The following SYT7 variants were observed in gnomAD, a reference collection of about 807,000 sequenced individuals.
The protein encoded by SYT7 is synaptotagmin-7.
In SYT7, 29 loss-of-function variants were observed where a neutral mutation model predicts 75.1. That is an observed-to-expected ratio of 0.39 (90% CI 0.29 to 0.53). SYT7 has a LOEUF of 0.53. Among genes scored for constraint, SYT7 ranks in the 20% least tolerant of loss-of-function variants. The pLI is 0.77. For synonymous variants in SYT7, 376 were observed against 401.7 expected (o/e 0.94, Z 0.76); for missense variants, 693 against 953.2 (o/e 0.73, Z 3.59).
rs1372313184 is a variant in SYT7, at chr11:61,524,618, G to A, written c.1472-86C>T. 2.9e-6 allele frequency: 4 copies of A among 1,397,780 alleles called. No homozygotes were observed. The highest frequency in any genetic ancestry group is 3.9e-6 in the Non-Finnish European group (4 of 1,036,512). The allele number at this position is 1,397,780 out of a possible 1,614,324, so 86.6% of individuals were successfully genotyped here. A position where few individuals can be genotyped will look rare whatever the true frequency, so the allele number is the denominator to read the frequency against. On this transcript the variant is annotated intron_variant, in intron 9 of 12. Coordinates refer to ENST00000539008, the MANE Select transcript of SYT7 (RefSeq NM_001365809.2). The surrounding 1 kb of genome is among the most constrained non-coding windows in gnomAD (Gnocchi z 4.1). ...GGCAAGGAAGGCCCTGGGAAGAGGA[G>A]GCAGGCCCTGTGCCCTCCCGCTGCC...
intron 12 of SYT7, among the ~76,000 whole-genome samples, chr11:61,520,389 G>C (rs947731868): frequency 6.6e-6 from 1 of 152,092 alleles, no homozygotes; most frequent in Non-Finnish European, 1.5e-5. Flanking sequence ...AGCTGGGCAT[G>C]GTGGTACGTG....
intron 2 of SYT7, among the ~76,000 whole-genome samples, chr11:61,555,723 T>C (rs1227777676): frequency 6.6e-6 from 1 of 151,862 alleles, no homozygotes; most frequent in Non-Finnish European, 1.5e-5. Context: ...GGGGGCTCTA[T>C]TCTCAGTCTG....
chr11:61,518,540 G>A lies in SYT7; in HGVS notation c.*87C>T. 3 of 963,712 alleles carry A rather than the reference G, an allele frequency of 3.1e-6. No individual in the cohort carries two copies. Among genetic ancestry groups the A allele is most frequent in the East Asian group, 2.9e-5 (1 of 34,002 alleles). The allele number at this position is 963,712 out of a possible 1,614,324, so 59.7% of individuals were successfully genotyped here. ...CAGGGTCCTCCCCTCCCTATGGCAG[G>A]GGGCTCAGGCCGGGCGTTGTGCATA... On this transcript the variant is annotated 3_prime_UTR_variant, in exon 13 of 13. Coordinates refer to ENST00000539008, the MANE Select transcript of SYT7 (RefSeq NM_001365809.2).
chr11:61,538,084 C>A (rs957666204), intron 7 of SYT7, 60 bp downstream of exon 7: 2 of 1,526,254 alleles, frequency 1.3e-6, no homozygotes, highest in East Asian at 2.5e-5. Context: ...TCGAGGCAGG[C>A]GGCCTCTCCG....
intron 1 of SYT7, among the ~76,000 whole-genome samples, chr11:61,569,119 G>A (rs2135416485): frequency 6.6e-6 from 1 of 152,204 alleles, no homozygotes; most frequent in African/African-American, 2.4e-5. Context: ...TACTCCCCGG[G>A]GTCCATTGGT....
chr11:61,556,981 C>A (rs1238085994), intron 1 of SYT7, among the ~76,000 whole-genome samples: 1 of 149,244 alleles, frequency 6.7e-6, no homozygotes, highest in South Asian at 2.1e-4. Context: ...AACCTTGGCA[C>A]CCTTGGCAAA....
At chr11:61,550,690 T>C (rs2063322813) in intron 3 of SYT7, among the ~76,000 whole-genome samples, 1 of 151,290 alleles carries the variant, frequency 6.6e-6, no homozygotes. Flanking sequence ...GTGGCCTGAG[T>C]CCCCCGCCAG....
chr11:61,535,626 G>A (rs893115282), intron 7 of SYT7, among the ~76,000 whole-genome samples: 2 of 152,150 alleles, frequency 1.3e-5, no homozygotes, highest in African/African-American at 4.8e-5. Context: ...ACCAAGAATC[G>A]TGGGGACAGA....
At position 61,546,162 on chromosome 11, in the gene SYT7, CGGCA is replaced by C; in HGVS notation, c.437_440del (p.Val146GlyfsTer8). 6.6e-7 allele frequency: 1 copy of C among 1,525,018 alleles called. No individual in the cohort carries two copies. The allele number at this position is 1,525,018 out of a possible 1,614,324, so 94.5% of individuals were successfully genotyped here. A position where few individuals can be genotyped will look rare whatever the true frequency, so the allele number is the denominator to read the frequency against. ...TTCTCAAGGCGTCCTCTCCGGGTGG[CGGCA>C]CCGGTGCCGGCTTCTCCCCCAGCCG... On this transcript the variant is annotated frameshift_variant, in exon 5 of 13. Coordinates refer to ENST00000539008, the MANE Select transcript of SYT7 (RefSeq NM_001365809.2). LOFTEE classifies it high-confidence loss of function. The surrounding 1 kb of genome is among the most constrained non-coding windows in gnomAD (Gnocchi z 7.6).
rs58071370 is a variant in SYT7, at chr11:61,538,346, GGAGAGA to G, written c.942-86_942-81del. ...GGGGGCAGGGGGGAAGGAGAGAGAG[GGAGAGA>G]GAGAGAGAGAGAGAGAGAGAGAGAG... On this transcript the variant is annotated intron_variant, in intron 6 of 12. Transcript: ENST00000539008. 1,288 of 203,120 alleles carry G rather than the reference GGAGAGA, an allele frequency of 6.3e-3. 5 individuals carry two copies. Among genetic ancestry groups the G allele is most frequent in the African/African-American group, 0.032 (786 of 24,930 alleles). The allele number at this position is 203,120 out of a possible 1,614,324, so 12.6% of individuals were successfully genotyped here. A position where few individuals can be genotyped will look rare whatever the true frequency, so the allele number is the denominator to read the frequency against.
rs2063350887 is a variant in SYT7, at chr11:61,551,542, G to A, written c.136-79C>T. ...CCTCCCCAGAACAGGGACCCGGAGGGGAAGGAGATAGACTGGAGTCGGGCC... is the reference window on the plus strand; with the variant it reads ...CCTCCCCAGAACAGGGACCCGGAGGAGAAGGAGATAGACTGGAGTCGGGCC... On this transcript the variant is annotated intron_variant, in intron 2 of 12. Transcript: ENST00000539008. The surrounding 1 kb of genome is among the most constrained non-coding windows in gnomAD (Gnocchi z 5.3). The A allele has an allele frequency of 1.4e-6, 2 of 1,450,680 alleles. No individual in the cohort carries two copies. Among genetic ancestry groups the A allele is most frequent in the Non-Finnish European group, 1.9e-6 (2 of 1,041,794 alleles). 89.9% of individuals were successfully genotyped at this position (1,450,680 alleles called of 1,614,324 possible).
chr11:61,537,172 A>G (rs1739257517), intron 7 of SYT7, among the ~76,000 whole-genome samples: 2 of 152,192 alleles, frequency 1.3e-5, no homozygotes, highest in Admixed American at 1.3e-4. Flanking sequence ...AGCAGACCCA[A>G]TCAAGGTGAC....
In SYT7 at chr11:61,580,940, G is replaced by T. The variant is rs1272621269; in HGVS notation, c.-120C>A. On this transcript the variant is annotated 5_prime_UTR_variant, in exon 1 of 13. Coordinates refer to ENST00000539008, the MANE Select transcript of SYT7 (RefSeq NM_001365809.2). The surrounding 1 kb of genome is among the most constrained non-coding windows in gnomAD (Gnocchi z 6.1). The stretch of plus-strand genomic sequence containing the variant: ...CCCGGGGGCGGGTCCGAGGGCGGGG[G>T]CCGAGCGGGCTGCACCTAGCCGCGG... 1 of 1,009,512 alleles carries T rather than the reference G, an allele frequency of 9.9e-7. No homozygotes were observed. The highest frequency in any genetic ancestry group is 9.8e-5 in the East Asian group (1 of 10,212). The allele number at this position is 1,009,512 out of a possible 1,614,324, so 62.5% of individuals were successfully genotyped here. A position where few individuals can be genotyped will look rare whatever the true frequency, so the allele number is the denominator to read the frequency against.
At chr11:61,560,908 G>A (rs1347409554) in intron 1 of SYT7, among the ~76,000 whole-genome samples, 3 of 152,086 alleles carry the variant, frequency 2.0e-5, no homozygotes, top group African/African-American at 4.8e-5. Context: ...TGTACCTCTC[G>A]CAGAGCCGAA....
upstream of SYT7, among the ~76,000 whole-genome samples, chr11:61,583,239 G>A (rs1565218432): frequency 6.6e-6 from 1 of 151,374 alleles, no homozygotes; most frequent in African/African-American, 2.4e-5. Flanking sequence ...AAAAAAAAGA[G>A]CAAATAGGGC....
In SYT7 at chr11:61,542,694, G is replaced by A. The variant is rs1298285; in HGVS notation, c.573-115C>T. ...GCCCCAGTGCAGGGTGCGCGCTGCC[G>A]GACCTCGCCAGGCCTCCATCGGAGC... On this transcript the variant is annotated intron_variant, in intron 5 of 12. Coordinates refer to ENST00000539008, the MANE Select transcript of SYT7 (RefSeq NM_001365809.2). The surrounding 1 kb of genome is among the most constrained non-coding windows in gnomAD (Gnocchi z 7.8). 6.8e-4 allele frequency: 946 copies of A among 1,383,536 alleles called. 11 individuals carry two copies. The African/African-American group carries it at 0.011, about 16-fold the overall frequency. 85.7% of individuals were successfully genotyped at this position (1,383,536 alleles called of 1,614,324 possible).
intron 1 of SYT7, among the ~76,000 whole-genome samples, chr11:61,567,024 G>A (rs900356555): frequency 1.3e-5 from 2 of 152,204 alleles, no homozygotes; most frequent in Non-Finnish European, 2.9e-5. Context: ...TTATGGTTGG[G>A]GAGGGGAGTG....
In SYT7 at chr11:61,531,623, G is replaced by A. The variant is rs539028830; in HGVS notation, c.1200+1366C>T. 1.6e-4 allele frequency among the ~76,000 whole-genome samples: 24 copies of A among 152,128 alleles called. 1 individual carries two copies. Among genetic ancestry groups the A allele is most frequent in the Non-Finnish European group, 3.2e-4 (22 of 68,034 alleles). ...AAAACCACAGGATAGACCGGGCGCA[G>A]TGGCTCATGCCTGTAATCACAGCAC... is the stretch of plus-strand genomic sequence containing the variant. On this transcript the variant is annotated intron_variant, in intron 8 of 12. Coordinates refer to ENST00000539008, the MANE Select transcript of SYT7 (RefSeq NM_001365809.2).
chr11:61,526,379 G>A (rs1031022362), intron 9 of SYT7: 1 of 152,174 alleles, frequency 6.6e-6, no homozygotes, highest in Non-Finnish European at 1.5e-5. Context: ...AACACCAGAG[G>A]AGGCAGGCTC....
Sources: allele counts gnomAD v4.1 joint callset (sites outside exome capture counted in the v4.1 genomes callset), GRCh38; gene constraint gnomAD v4.1.1; non-coding constraint Gnocchi (gnomAD v3.1); transcripts MANE v1.5; gene names NCBI Gene and HGNC (gene_info 2026-07-23, HGNC 2026-07-21).